Variants in LCLAT1 observed in about 807,000 individuals in gnomAD.
LCLAT1 encodes 1-AGP acyltransferase 8.
In LCLAT1, 11 loss-of-function variants were observed where a neutral mutation model predicts 30.7. That is an observed-to-expected ratio of 0.36 (90% CI 0.23 to 0.59). The LOEUF (loss-of-function observed/expected upper bound fraction) is 0.59, where lower values mean the gene tolerates loss of function less well. Among genes scored for constraint, LCLAT1 ranks in the 20% least tolerant of loss-of-function variants. The pLI, the probability that LCLAT1 is intolerant of heterozygous loss-of-function variation, is 0.77. For missense variants in LCLAT1, 402 were observed against 458.6 expected (o/e 0.88, Z 1.13); for synonymous variants, 155 against 151.3 (o/e 1.02, Z -0.18).
At chr2:30,605,975 A>G (rs751286935) in intron 5 of LCLAT1, 1 of 1,269,340 alleles carries the variant, frequency 7.9e-7, no homozygotes, top group African/African-American at 1.6e-5. Flanking sequence ...TCTTGCTACC[A>G]TGAGAATCTA....
At chr2:30,555,401 G>T (rs1480911217) in intron 3 of LCLAT1, among the ~76,000 whole-genome samples, 1 of 152,070 alleles carries the variant, frequency 6.6e-6, no homozygotes, top group Non-Finnish European at 1.5e-5. Flanking sequence ...GAGCAAAGAA[G>T]CCCGCAAACT....
At chr2:30,637,378 G>A (rs1193960309) in intron 5 of LCLAT1, among the ~76,000 whole-genome samples, 1 of 151,938 alleles carries the variant, frequency 6.6e-6, no homozygotes, top group Non-Finnish European at 1.5e-5. Context: ...AACATCTTAA[G>A]GAATGTATCA....
intron 1 of LCLAT1, among the ~76,000 whole-genome samples, chr2:30,494,431 C>A (rs1219403233): frequency 6.6e-6 from 1 of 152,086 alleles, no homozygotes; most frequent in East Asian, 1.9e-4. Flanking sequence ...TGTCTTTTAA[C>A]TTCATATTCT....
chr2:30,537,298 G>A (rs374516603), intron 3 of LCLAT1, among the ~76,000 whole-genome samples: 16 of 151,998 alleles, frequency 1.1e-4, no homozygotes, highest in Middle Eastern at 3.4e-3. Context: ...GGAGAATGGC[G>A]TGAACCTGGG....
chr2:30,516,446 T>C (rs1048472458), intron 1 of LCLAT1, among the ~76,000 whole-genome samples: 1 of 152,214 alleles, frequency 6.6e-6, no homozygotes, highest in African/African-American at 2.4e-5. Context: ...CTGATCAGGC[T>C]AGAGGCTTGC....
intron 3 of LCLAT1, among the ~76,000 whole-genome samples, chr2:30,552,867 A>G (rs962522381): frequency 6.6e-6 from 1 of 152,160 alleles, no homozygotes; most frequent in African/African-American, 2.4e-5. Flanking sequence ...ATCTGTTCCT[A>G]TTGTTCATTC....
intron 3 of LCLAT1, among the ~76,000 whole-genome samples, chr2:30,558,626 A>C (rs1047039285): frequency 6.7e-6 from 1 of 150,030 alleles, no homozygotes; most frequent in Non-Finnish European, 1.5e-5. Flanking sequence ...AAAGGTGTCC[A>C]GCATTATTGT....
intron 1 of LCLAT1, chr2:30,459,619 T>G (rs752105539): frequency 1.2e-6 from 2 of 1,612,658 alleles, no homozygotes; most frequent in East Asian, 4.5e-5. Flanking sequence ...ATATATGCAT[T>G]CCAGGGGAAG....
chr2:30,605,761 G>A (rs2148497253), intron 5 of LCLAT1, among the ~76,000 whole-genome samples: 1 of 152,260 alleles, frequency 6.6e-6, no homozygotes. Context: ...AGAAATGGAT[G>A]AGCAAATCTT....
intron 3 of LCLAT1, among the ~76,000 whole-genome samples, chr2:30,548,096 A>T (rs1664508786): frequency 6.6e-6 from 1 of 152,156 alleles, no homozygotes; most frequent in Non-Finnish European, 1.5e-5. Flanking sequence ...TTTGAAACAT[A>T]AAGTTTTGGT....
intron 5 of LCLAT1, among the ~76,000 whole-genome samples, chr2:30,595,596 A>T (rs1666895989): frequency 6.6e-6 from 1 of 152,132 alleles, no homozygotes; most frequent in Non-Finnish European, 1.5e-5. Context: ...CTTTTGCTGA[A>T]CTTAATGGGT....
chr2:30,459,608 G>C, intron 1 of LCLAT1: 1 of 1,599,650 alleles, frequency 6.3e-7, no homozygotes, highest in South Asian at 1.1e-5. Context: ...TGGATGATGT[G>C]ATATATGCAT....
At chr2:30,546,236 G>A (rs11692096) in intron 3 of LCLAT1, among the ~76,000 whole-genome samples, 14,443 of 152,134 alleles carry the variant, frequency 0.095, 724 homozygotes, top group East Asian at 0.12. Context: ...GCTTTCACAG[G>A]ATAATGGAAA....
At chr2:30,600,765 T>G (rs1448410909) in intron 5 of LCLAT1, among the ~76,000 whole-genome samples, 1 of 152,158 alleles carries the variant, frequency 6.6e-6, no homozygotes, top group Non-Finnish European at 1.5e-5. Flanking sequence ...TCTTGGTCTA[T>G]GATGTACTTC....
chr2:30,462,050 G>A (rs899401207), intron 1 of LCLAT1, among the ~76,000 whole-genome samples: 3 of 152,038 alleles, frequency 2.0e-5, no homozygotes, highest in African/African-American at 7.2e-5. Context: ...GGGATTACAG[G>A]CGTGAGCCAC....
chr2:30,504,240 A>G (rs140193741), intron 1 of LCLAT1, among the ~76,000 whole-genome samples: 207 of 152,026 alleles, frequency 1.4e-3, no homozygotes, highest in African/African-American at 3.9e-3. Flanking sequence ...ACATATATTT[A>G]TGGGCTCATA....
intron 1 of LCLAT1, among the ~76,000 whole-genome samples, chr2:30,492,138 A>T (rs148811375): frequency 3.3e-5 from 5 of 152,326 alleles, no homozygotes; most frequent in South Asian, 4.1e-4. Flanking sequence ...GGTGAGGATG[A>T]TACAAGAATG....
At chr2:30,528,839 A>G (rs1189435267) in intron 2 of LCLAT1, among the ~76,000 whole-genome samples, 6 of 152,300 alleles carry the variant, frequency 3.9e-5, no homozygotes, top group South Asian at 4.1e-4. Context: ...AGACAGAGAA[A>G]GTTTTTTTAG....
In LCLAT1 at chr2:30,562,276, A is replaced by G. The variant is rs777173400; in HGVS notation, c.495A>G (p.Glu165=). 15 of 1,610,856 alleles carry G rather than the reference A, an allele frequency of 9.3e-6. No homozygotes were observed. The highest frequency in any genetic ancestry group is 1.2e-5 in the Non-Finnish European group (14 of 1,177,880). Residue 165 remains glutamate, a synonymous_variant, in exon 4 of 6, where the codon GAA becomes GAG. Coordinates refer to ENST00000379509, the MANE Select transcript of LCLAT1 (RefSeq NM_001002257.3). ...HEPLQLLIFP[E]GTDLTENSKS... ...CACTTCAACTCCTCATATTCCCAGA[A>G]GGGACTGATCTCACAGGTAATGTAG...
Sources: gnomAD v4.1 joint callset for allele counts (sites outside exome capture counted in the v4.1 genomes callset) on GRCh38, gnomAD v4.1.1 for gene constraint, MANE v1.5 for transcripts, NCBI Gene and HGNC (gene_info 2026-07-23, HGNC 2026-07-21) for gene names.